CRAMP1: variants seen among roughly 807,000 people sequenced by gnomAD.
The protein encoded by CRAMP1 is cramped chromatin regulator 1, also known as protein cramped-like.
CRAMP1 carries 50 observed loss-of-function variants against 115.4 expected under a neutral mutation model. The ratio of observed to expected loss-of-function variants is 0.43; its 90% CI spans 0.35 to 0.55. The LOEUF is 0.55. Ranked by LOEUF, CRAMP1 falls within the 20% of genes least tolerant of loss-of-function variation. The pLI is 0.01. For synonymous variants in CRAMP1, 866 were observed against 745.4 expected (o/e 1.16, Z -2.64); for missense variants, 1,679 against 1,721.7 (o/e 0.98, Z 0.44).
intron 3 of CRAMP1, among the ~76,000 whole-genome samples, chr16:1,628,535 T>C (rs1268331671): frequency 6.6e-6 from 1 of 152,232 alleles, no homozygotes; most frequent in African/African-American, 2.4e-5. Context: ...ATTACAGGCA[T>C]GAGTCACCGC....
At position 1,660,131 on chromosome 16, in the gene CRAMP1, G is replaced by A. The variant is rs542110920; in HGVS notation, c.2413+68G>A. The A allele has an allele frequency of 4.0e-5, 54 of 1,347,938 alleles. No homozygotes were observed. The East Asian group carries it at 8.7e-4, about 22-fold the overall frequency. The allele number at this position is 1,347,938 out of a possible 1,614,324, so 83.5% of individuals were successfully genotyped here. A position where few individuals can be genotyped will look rare whatever the true frequency, so the allele number is the denominator to read the frequency against. Reference sequence around the variant, plus strand: ...GATGGCACCTCAGGCTTCAGGGGCCGTGCCGAAGCTGAGAGCACAGGTGTG... The same window carrying A: ...GATGGCACCTCAGGCTTCAGGGGCCATGCCGAAGCTGAGAGCACAGGTGTG... On this transcript the variant is annotated intron_variant, in intron 11 of 20. Transcript: ENST00000397412.
chr16:1,615,531 A>G (rs1270576633), intron 2 of CRAMP1, among the ~76,000 whole-genome samples: 1 of 152,198 alleles, frequency 6.6e-6, no homozygotes, highest in African/African-American at 2.4e-5. Context: ...TTGAGTTGCA[A>G]CTGGGGTTTA....
At chr16:1,630,593 T>C (rs1323942302) in intron 3 of CRAMP1, among the ~76,000 whole-genome samples, 2 of 152,202 alleles carry the variant, frequency 1.3e-5, no homozygotes, top group Non-Finnish European at 2.9e-5. Context: ...TGCCTGCTCA[T>C]TTGCAGGCGG....
At chr16:1,648,934 C>T (rs2036699641) in intron 6 of CRAMP1, among the ~76,000 whole-genome samples, 1 of 152,086 alleles carries the variant, frequency 6.6e-6, no homozygotes, top group East Asian at 1.9e-4. Flanking sequence ...TGGCAGGCGC[C>T]TGTAGTCCCA....
At chr16:1,658,144 C>T (rs2036792355) in intron 10 of CRAMP1, among the ~76,000 whole-genome samples, 1 of 152,188 alleles carries the variant, frequency 6.6e-6, no homozygotes, top group Non-Finnish European at 1.5e-5. Flanking sequence ...GGTCCATCAG[C>T]AGGTGGCAGG....
At chr16:1,628,108 C>T (rs1001994158) in intron 3 of CRAMP1, among the ~76,000 whole-genome samples, 3 of 152,196 alleles carry the variant, frequency 2.0e-5, no homozygotes, top group East Asian at 1.9e-4. Context: ...GTTTTTCTAT[C>T]GGGTAGATGC....
chr16:1,627,304 C>A (rs2036515830), intron 3 of CRAMP1, among the ~76,000 whole-genome samples: 1 of 152,162 alleles, frequency 6.6e-6, no homozygotes, highest in African/African-American at 2.4e-5. Flanking sequence ...CGCCGCCACA[C>A]CCAGCTAATT....
At position 1,665,037 on chromosome 16, in the gene CRAMP1, G is replaced by A. The variant is rs2036862573; in HGVS notation, c.2671-20G>A. The A allele has an allele frequency of 2.6e-6, 4 of 1,558,362 alleles. No individual in the cohort carries two copies. Among genetic ancestry groups the A allele is most frequent in the South Asian group, 2.2e-5 (2 of 89,898 alleles). On this transcript the variant is annotated intron_variant, in intron 13 of 20. Transcript: ENST00000397412. ...GTATGGGAGTTTCATCACCTTGATT[G>A]TTGACCATTTTCCCCACAGAGAACA...
At position 1,656,832 on chromosome 16, in the gene CRAMP1, A is replaced by G; in HGVS notation, c.2075A>G (p.Tyr692Cys). The G allele has an allele frequency of 6.4e-7, 1 of 1,550,420 alleles. No homozygotes were observed. Among genetic ancestry groups the G allele is most frequent in the South Asian group, 1.2e-5 (1 of 84,070 alleles). The stretch of plus-strand genomic sequence containing the variant: ...GAAAGCCTCACGCTGGCCGAAGTCT[A>G]CCTCATGATGGGCAAGCCCAGCAAG... The part of the protein sequence containing the change: ...TSESLTLAEV[Y>C]LMMGKPSKLQ... The change falls in exon 10 of 21, where the codon TAC becomes TGC. Residue 692 changes from tyrosine (Y) to cysteine (C), a missense_variant. Physicochemically the swap from Tyr to Cys is radical, Grantham distance 194. Coordinates refer to ENST00000397412, the MANE Select transcript of CRAMP1 (RefSeq NM_020825.4). The surrounding 1 kb of genome is among the most constrained non-coding windows in gnomAD (Gnocchi z 5.6).
At chr16:1,630,278 C>T (rs1474639363) in intron 3 of CRAMP1, among the ~76,000 whole-genome samples, 3 of 152,000 alleles carry the variant, frequency 2.0e-5, no homozygotes, top group Non-Finnish European at 4.4e-5. Context: ...CAGCCTCCCA[C>T]GTAGCTAGGA....
At chr16:1,653,242 C>T in intron 8 of CRAMP1, 86 bp downstream of exon 8, 1 of 1,477,792 alleles carries the variant, frequency 6.8e-7, no homozygotes, top group South Asian at 1.2e-5. Flanking sequence ...CAAGGAACTT[C>T]CAGGAGAAGC....
chr16:1,657,770 G>A (rs563535669), intron 10 of CRAMP1, among the ~76,000 whole-genome samples: 2 of 152,280 alleles, frequency 1.3e-5, no homozygotes, highest in African/African-American at 4.8e-5. Context: ...ACAGCCCCAA[G>A]TCCGATAGGA....
In CRAMP1 at chr16:1,671,592, C is replaced by G. The variant is rs1000358063; in HGVS notation, c.3645+783C>G. Among the ~76,000 whole-genome samples, 3 of 152,094 alleles carry G rather than the reference C, an allele frequency of 2.0e-5. No individual in the cohort carries two copies. Among genetic ancestry groups the G allele is most frequent in the Admixed American group, 2.0e-4 (3 of 15,280 alleles). ...GGGCTCTATGGACAGGGAGGGAACT[C>G]CAGGTCCAGGAGATCATCCGCATGG... On this transcript the variant is annotated intron_variant, in intron 20 of 20. Coordinates refer to ENST00000397412, the MANE Select transcript of CRAMP1 (RefSeq NM_020825.4). This position sits in a 1 kb window ranked among gnomAD's most constrained non-coding sequence, Gnocchi z 5.0.
chr16:1,655,187 A>G (rs373213025), intron 8 of CRAMP1, 32 bp from the exon 9 acceptor site: 3 of 1,576,680 alleles, frequency 1.9e-6, no homozygotes, highest in Non-Finnish European at 2.6e-6. Context: ...TGTTCTGCGA[A>G]CCTCACTTCC....
At position 1,665,060 on chromosome 16, in the gene CRAMP1, A is replaced by G; in HGVS notation, c.2674A>G (p.Thr892Ala). The G allele has an allele frequency of 1.2e-6, 2 of 1,607,812 alleles. No individual in the cohort carries two copies. The highest frequency in any genetic ancestry group is 1.7e-6 in the Non-Finnish European group (2 of 1,174,302). The change falls in exon 14 of 21, where the codon ACA becomes GCA. Residue 892 changes from threonine to alanine, a missense_variant. By Grantham distance (58) the Thr-to-Ala change is moderately conservative. Transcript: ENST00000397412. Reference sequence around the variant, plus strand: ...TTGTTGACCATTTTCCCCACAGAGAACACTGCTCCCTAGACCATCGGAAAA... The same window carrying G: ...TTGTTGACCATTTTCCCCACAGAGAGCACTGCTCCCTAGACCATCGGAAAA... The part of the protein sequence containing the change: ...HLRKPLVVQR[T>A]LLPRPSENQS...
In CRAMP1 at chr16:1,668,924, C is replaced by T. The variant is rs1191675651; in HGVS notation, c.3335-77C>T. ...AGCCCTGCGGCCCTGCTGCCTTCTC[C>T]GTGGTGGGCTGGAGAAGTGAGTTGC... On this transcript the variant is annotated intron_variant, in intron 18 of 20. Coordinates refer to ENST00000397412, the MANE Select transcript of CRAMP1 (RefSeq NM_020825.4). 10 of 1,425,326 alleles carry T rather than the reference C, an allele frequency of 7.0e-6. No individual in the cohort carries two copies. In the Admixed American group the frequency reaches 7.6e-5, roughly 11 times the overall value. 88.3% of individuals were successfully genotyped at this position (1,425,326 alleles called of 1,614,324 possible). A position where few individuals can be genotyped will look rare whatever the true frequency, so the allele number is the denominator to read the frequency against.
In CRAMP1 at chr16:1,647,479, G is replaced by A. The variant is rs763643293; in HGVS notation, c.828-5017G>A. On this transcript the variant is annotated intron_variant, in intron 6 of 20. Coordinates refer to ENST00000397412, the MANE Select transcript of CRAMP1 (RefSeq NM_020825.4). ...TATTCACCTAGGCGTGGTGGCTCACGTTTGTAATCCCAGCACTTTGGGAGG... is the reference window on the plus strand; with the variant it reads ...TATTCACCTAGGCGTGGTGGCTCACATTTGTAATCCCAGCACTTTGGGAGG... Among the ~76,000 whole-genome samples the A allele has an allele frequency of 5.9e-5, 9 of 152,124 alleles. No individual in the cohort carries two copies. The East Asian group carries it at 1.2e-3, about 20-fold the overall frequency.
chr16:1,663,007 C>T (rs2142204347), intron 13 of CRAMP1, among the ~76,000 whole-genome samples, 172 bp downstream of exon 13: 1 of 152,274 alleles, frequency 6.6e-6, no homozygotes, highest in African/African-American at 2.4e-5. Context: ...CTTAATGGTA[C>T]CCAGAAGTAA....
intron 18 of CRAMP1, among the ~76,000 whole-genome samples, 200 bp downstream of exon 18, chr16:1,668,393 C>G (rs963525166): frequency 6.6e-6 from 1 of 152,242 alleles, no homozygotes; most frequent in African/African-American, 2.4e-5. Flanking sequence ...AGCTGATGGC[C>G]TGGTAGGCTT....
Sources: allele counts gnomAD v4.1 joint callset (sites outside exome capture counted in the v4.1 genomes callset), GRCh38; gene constraint gnomAD v4.1.1; non-coding constraint Gnocchi (gnomAD v3.1); transcripts MANE v1.5; gene names NCBI Gene and HGNC (gene_info 2026-07-23, HGNC 2026-07-21).